The following STK31 variants were observed in gnomAD, a reference collection of about 807,000 sequenced individuals.
STK31 encodes serine/threonine-protein kinase 31.
A neutral mutation model predicts 129.7 loss-of-function variants in STK31; 89 were observed. The ratio of observed to expected loss-of-function variants is 0.69; its 90% confidence interval spans 0.58 to 0.82. STK31 has a LOEUF of 0.82. Ranked by LOEUF, STK31 falls within the 40% of genes least tolerant of loss-of-function variation. The pLI is 0.00. For missense variants in STK31, 1,187 were observed against 1,176.4 expected (o/e 1.01, Z -0.13); for synonymous variants, 448 against 395.3 (o/e 1.13, Z -1.58).
At chr7:23,817,775 T>C (rs760365419) in intron 23 of STK31, among the ~76,000 whole-genome samples, 9 of 152,230 alleles carry the variant, frequency 5.9e-5, no homozygotes, top group Non-Finnish European at 1.3e-4. Flanking sequence ...ATCTAGCTTG[T>C]TGGCATACAG....
At chr7:23,716,925 G>C (rs1038886981) in intron 3 of STK31, among the ~76,000 whole-genome samples, 1 of 149,728 alleles carries the variant, frequency 6.7e-6, no homozygotes, top group Non-Finnish European at 1.5e-5. Flanking sequence ...TTCCTGTGTA[G>C]TTGGAACTAT....
At chr7:23,767,922 C>G (rs1789933519) in intron 11 of STK31, among the ~76,000 whole-genome samples, 1 of 152,022 alleles carries the variant, frequency 6.6e-6, no homozygotes, top group African/African-American at 2.4e-5. Flanking sequence ...AGCTTTTTTT[C>G]TTATCTCTGT....
intron 3 of STK31, 55 bp from the exon 4 acceptor site, chr7:23,717,426 G>A: frequency 7.7e-7 from 1 of 1,292,314 alleles, no homozygotes; most frequent in Non-Finnish European, 1.1e-6. Context: ...CCTCAAGCGT[G>A]TAACACTGTA....
chr7:23,767,758 A>G (rs1789921524), intron 11 of STK31, among the ~76,000 whole-genome samples: 2 of 152,152 alleles, frequency 1.3e-5, no homozygotes, highest in South Asian at 4.1e-4. Flanking sequence ...AGAAGAGCCT[A>G]TGAAAAAAGT....
At chr7:23,828,741 C>A (rs1051467117) in intron 23 of STK31, among the ~76,000 whole-genome samples, 1 of 152,032 alleles carries the variant, frequency 6.6e-6, no homozygotes, top group African/African-American at 2.4e-5. Flanking sequence ...GGCTCCACCC[C>A]CTGACTTGTT....
chr7:23,741,993 GA>G (rs1788081307), intron 8 of STK31, among the ~76,000 whole-genome samples: 2 of 152,248 alleles, frequency 1.3e-5, no homozygotes, highest in Admixed American at 6.5e-5. Context: ...CCACCCTGGT[GA>G]ACAGCATGGG....
rs1431811387 is a variant in STK31, at chr7:23,792,148, C to CA, written c.2760+1209dup. 1.4e-4 allele frequency among the ~76,000 whole-genome samples: 21 copies of CA among 151,490 alleles called. No individual in the cohort carries two copies. The East Asian group carries it at 3.5e-3, about 25-fold the overall frequency. On this transcript the variant is annotated intron_variant, in intron 22 of 23. Coordinates refer to ENST00000355870, the MANE Select transcript of STK31 (RefSeq NM_031414.5). ...TCTGTTCCAATCAGTGTAATAAGGT[C>CA]AAAAAAAGAAATAAAAGTCATAGAG...
chr7:23,787,550 C>G (rs933238870), intron 20 of STK31, among the ~76,000 whole-genome samples: 4 of 151,990 alleles, frequency 2.6e-5, no homozygotes, highest in African/African-American at 9.7e-5. Flanking sequence ...TCAGTAGAGG[C>G]ATTAGATTCT....
chr7:23,714,782 A>G (rs529263098), intron 3 of STK31, among the ~76,000 whole-genome samples: 3 of 151,168 alleles, frequency 2.0e-5, no homozygotes, highest in South Asian at 4.1e-4. Flanking sequence ...AAGAGTCAGC[A>G]GTTTTTTTTT....
At position 23,712,265 on chromosome 7, in the gene STK31, T is replaced by C. The variant is rs1213501282; in HGVS notation, c.129T>C (p.Asp43=). The change falls in exon 3 of 24, where the codon GAT becomes GAC. Residue 43 remains aspartate (D), a synonymous_variant. Coordinates refer to ENST00000355870, the MANE Select transcript of STK31 (RefSeq NM_031414.5). ...VEDVVGSHIE[D]AVTFWAQSIN... ...ATGTGGTTGGAAGTCACATAGAAGA[T>C]GCAGTAACATTTTGGGCCCAGGTAA... 2.5e-6 allele frequency: 4 copies of C among 1,614,016 alleles called. No homozygotes were observed. Among genetic ancestry groups the C allele is most frequent in the Non-Finnish European group, 3.4e-6 (4 of 1,180,006 alleles).
intron 22 of STK31, chr7:23,811,258 G>A: frequency 2.7e-6 from 1 of 372,572 alleles, no homozygotes; most frequent in South Asian, 2.7e-5. Flanking sequence ...CACCAGTAAA[G>A]GACTGGTAGT....
At chr7:23,769,862 G>C in intron 13 of STK31, 106 bp downstream of exon 13, 1 of 650,060 alleles carries the variant, frequency 1.5e-6, no homozygotes, top group Non-Finnish European at 2.6e-6. Flanking sequence ...TAGTTAGAAA[G>C]TATTAAGACT....
Position 23,771,050 on chromosome 7 carries a change from C to T in STK31, c.1759C>T (p.Gln587Ter). The change falls in exon 14 of 24, where the codon CAA (glutamine) becomes TAA (stop). Residue 587 changes from glutamine (Q) to a stop codon, truncating the protein, a stop_gained. Coordinates refer to ENST00000355870, the MANE Select transcript of STK31 (RefSeq NM_031414.5). LOFTEE classifies it high-confidence loss of function. ...DKEIISNTYS[Q>*]VLQKIHSEER... is the part of the protein sequence containing the mutation. ...GGAGATAATTTCAAATACATATAGTCAAGTACTGCAAAAGATTCATTCAGA... is the reference window on the plus strand; with the variant it reads ...GGAGATAATTTCAAATACATATAGTTAAGTACTGCAAAAGATTCATTCAGA... The T allele has an allele frequency of 3.1e-6, 5 of 1,612,644 alleles. No homozygotes were observed. Among genetic ancestry groups the T allele is most frequent in the Non-Finnish European group, 4.2e-6 (5 of 1,179,204 alleles).
intron 8 of STK31, among the ~76,000 whole-genome samples, chr7:23,742,623 C>G (rs1231455840): frequency 6.6e-6 from 1 of 152,204 alleles, no homozygotes; most frequent in Non-Finnish European, 1.5e-5. Flanking sequence ...TTTTCTCTTA[C>G]TGTTTCCCTG....
intron 23 of STK31, among the ~76,000 whole-genome samples, chr7:23,824,110 A>G (rs926737968): frequency 6.6e-6 from 1 of 152,188 alleles, no homozygotes; most frequent in Non-Finnish European, 1.5e-5. Context: ...TGAACTTTAA[A>G]GTAGTTTTTT....
At chr7:23,734,350 A>G (rs893476997) in intron 6 of STK31, among the ~76,000 whole-genome samples, 1 of 152,194 alleles carries the variant, frequency 6.6e-6, no homozygotes, top group Non-Finnish European at 1.5e-5. Context: ...TATGCTTTAT[A>G]TATTCCGAAA....
intron 22 of STK31, among the ~76,000 whole-genome samples, chr7:23,810,705 TATATAAAATAGA>T (rs1562623212): frequency 5.1e-4 from 41 of 80,806 alleles, no homozygotes; most frequent in Admixed American, 1.2e-3. Context: ...AAAATAGATA[TATATAAAATAGA>T]TATATATAAA....
intron 22 of STK31, among the ~76,000 whole-genome samples, chr7:23,796,972 T>TGATAAAACA (rs1792003739): frequency 6.6e-6 from 1 of 151,914 alleles, no homozygotes; most frequent in South Asian, 2.1e-4. Flanking sequence ...TCCTAGTCTC[T>TGATAAAACA]GATAAAACAG....
chr7:23,718,983 C>T (rs1562544941), intron 4 of STK31, among the ~76,000 whole-genome samples: 1 of 151,958 alleles, frequency 6.6e-6, no homozygotes, highest in Non-Finnish European at 1.5e-5. Context: ...AGTTATAGTT[C>T]CTCGATATCC....
Sources: gnomAD v4.1 joint callset for allele counts (sites outside exome capture counted in the v4.1 genomes callset) on GRCh38, gnomAD v4.1.1 for gene constraint, MANE v1.5 for transcripts, NCBI Gene and HGNC (gene_info 2026-07-23, HGNC 2026-07-21) for gene names.